Variants in ATP7B observed in about 807,000 individuals in gnomAD.
The protein encoded by ATP7B is copper-transporting ATPase 2.
Under a neutral mutation model 118.9 loss-of-function variants are expected in ATP7B, and 113 were observed. That is an observed-to-expected ratio of 0.95 (90% confidence interval 0.82 to 1.11). The LOEUF is 1.11. Ranked by LOEUF, ATP7B falls within the 50% of genes most tolerant of loss-of-function variation. ATP7B has a pLI of 0.00. For synonymous variants in ATP7B, 777 were observed against 727.4 expected, an observed-to-expected ratio of 1.07 and a Z score of -1.10; for missense variants, 1,867 against 1,871.4, an observed-to-expected ratio of 1.00 and a Z score of 0.04.
chr13:51,958,175 T>C (rs1958477652), intron 8 of ATP7B, 136 bp downstream of exon 8: 1 of 1,020,346 alleles, frequency 9.8e-7, no homozygotes, highest in Non-Finnish European at 1.5e-6. Context: ...AGCACCTTAA[T>C]TATATGGAGG....
chr13:51,975,388 CCTT>C (rs1204741624), intron 1 of ATP7B: 1 of 735,714 alleles, frequency 1.4e-6, no homozygotes, highest in Admixed American at 1.7e-5. Context: ...TGTCTGTCCT[CCTT>C]AGTGAAATGT....
Position 51,960,139 on chromosome 13 carries a change from C to T in ATP7B, c.2121+9G>A. On this transcript the variant is annotated intron_variant, in intron 7 of 20. Coordinates refer to ENST00000242839, the MANE Select transcript of ATP7B (RefSeq NM_000053.4). ...GAAGGGAGAGGTCTGCCCACTTTCT[C>T]ATATATACCTGGACAAAGGTACACA... The T allele has an allele frequency of 6.2e-7, 1 of 1,613,056 alleles. No homozygotes were observed. Among genetic ancestry groups the T allele is most frequent in the East Asian group, 2.2e-5 (1 of 44,884 alleles).
intron 1 of ATP7B, among the ~76,000 whole-genome samples, chr13:51,983,598 C>G (rs904151015): frequency 3.3e-5 from 5 of 152,130 alleles, no homozygotes; most frequent in African/African-American, 1.2e-4. Flanking sequence ...GGGTCCGTGA[C>G]CCCTGTGTCT....
At chr13:51,948,733 T>C (rs976836745) in intron 12 of ATP7B, among the ~76,000 whole-genome samples, 1 of 152,164 alleles carries the variant, frequency 6.6e-6, no homozygotes, top group Admixed American at 6.5e-5. Context: ...CAGATATGTT[T>C]TTTTGAGGGG....
chr13:51,943,581 A>G (rs1957470542), intron 14 of ATP7B, among the ~76,000 whole-genome samples: 1 of 152,212 alleles, frequency 6.6e-6, no homozygotes, highest in Non-Finnish European at 1.5e-5. Flanking sequence ...TGAAATTAAG[A>G]GAAAACAAAA....
In ATP7B at chr13:52,011,376, C is replaced by A. The variant is rs1012892831; in HGVS notation, c.-39G>T. The A allele has an allele frequency of 2.5e-6, 4 of 1,613,974 alleles. No homozygotes were observed. The African/African-American group carries it at 4.0e-5, about 16-fold the overall frequency. ...CACCGAATTCTTCTCTGATCTGGCTCAGAGCAAAAGGTCACCTGGTCGGTG... is the reference window on the plus strand; with the variant it reads ...CACCGAATTCTTCTCTGATCTGGCTAAGAGCAAAAGGTCACCTGGTCGGTG... On this transcript the variant is annotated 5_prime_UTR_variant, in exon 1 of 21. Transcript: ENST00000242839.
At chr13:51,940,381 C>T (rs1033122451) in intron 16 of ATP7B, among the ~76,000 whole-genome samples, 6 of 142,112 alleles carry the variant, frequency 4.2e-5, no homozygotes, top group Admixed American at 1.4e-4. Context: ...AGGGCAGGTG[C>T]GGTGGCTCAC....
chr13:51,942,633 G>A (rs1373694982), intron 14 of ATP7B, 79 bp from the exon 15 acceptor site: 29 of 1,562,360 alleles, frequency 1.9e-5, no homozygotes, highest in Non-Finnish European at 2.4e-5. Context: ...GCAGGACAGG[G>A]ACACAGGGTG....
intron 6 of ATP7B, 21 bp downstream of exon 6, chr13:51,961,816 T>G (rs866978039): frequency 6.2e-7 from 1 of 1,608,070 alleles, no homozygotes; most frequent in Middle Eastern, 1.7e-4. Flanking sequence ...AGCTGGAGTT[T>G]ATCTTTTGTG....
chr13:51,943,419 G>A (rs948538953), intron 14 of ATP7B, among the ~76,000 whole-genome samples: 1 of 152,198 alleles, frequency 6.6e-6, no homozygotes, highest in Non-Finnish European at 1.5e-5. Flanking sequence ...TGAGGTTTCT[G>A]GAAGAGCCCC....
rs773327394 is a variant in ATP7B at position 51,946,311 on chromosome 13, T to A, written c.3033A>T (p.Gly1011=). 1.3e-6 allele frequency: 2 copies of A among 1,599,540 alleles called. No individual in the cohort carries two copies. The highest frequency in any genetic ancestry group is 1.7e-6 in the Non-Finnish European group (2 of 1,173,474). Residue 1011 remains glycine (G), a synonymous_variant, in exon 13 of 21, where the codon GGA becomes GGT. Coordinates refer to ENST00000242839, the MANE Select transcript of ATP7B (RefSeq NM_000053.4). The part of the protein sequence containing the change: ...VAAQNGILIK[G]GKPLEMAHKI... The stretch of plus-strand genomic sequence containing the variant: ...TGTGCGCCATCTCCAGGGGCTTGCC[T>A]CCCTTGATGAGGATGCCGTTCTGCG...
At chr13:51,958,234 C>G (rs1958481103) in intron 8 of ATP7B, 77 bp downstream of exon 8, 4 of 1,478,688 alleles carry the variant, frequency 2.7e-6, no homozygotes, top group African/African-American at 2.8e-5. Context: ...ATTAGTAATT[C>G]TAAACATGGT....
At chr13:51,970,063 G>C (rs1028803933) in intron 3 of ATP7B, among the ~76,000 whole-genome samples, 1 of 152,276 alleles carries the variant, frequency 6.6e-6, no homozygotes, top group African/African-American at 2.4e-5. Context: ...TTTCTGTCCT[G>C]TTGTTCCTAC....
intron 3 of ATP7B, among the ~76,000 whole-genome samples, chr13:51,969,881 G>C (rs909190353): frequency 1.3e-5 from 2 of 152,210 alleles, no homozygotes; most frequent in Non-Finnish European, 2.9e-5. Flanking sequence ...GGGAGTTCAA[G>C]TAAAAAGACA....
chr13:51,966,217 A>C (rs1951539761), intron 4 of ATP7B, among the ~76,000 whole-genome samples: 1 of 152,248 alleles, frequency 6.6e-6, no homozygotes, highest in Non-Finnish European at 1.5e-5. Context: ...CAAACCTAAG[A>C]GGTAAGTCTC....
intron 12 of ATP7B, 116 bp from the exon 13 acceptor site, chr13:51,946,594 TC>T (rs1957679133): frequency 8.4e-7 from 1 of 1,187,084 alleles, no homozygotes; most frequent in Admixed American, 2.0e-5. Flanking sequence ...GAACTTGGGT[TC>T]CGGAAACAGA....
chr13:51,965,020 G>A lies in ATP7B; in HGVS notation c.1721C>T (p.Thr574Ile), dbSNP rs1453697187. 2 of 1,613,930 alleles carry A rather than the reference G, an allele frequency of 1.2e-6. No individual in the cohort carries two copies. Among genetic ancestry groups the A allele is most frequent in the African/African-American group, 1.3e-5 (1 of 74,890 alleles). The change falls in exon 5 of 21, where the codon ACC becomes ATC. Residue 574 changes from threonine (T) to isoleucine (I), a missense_variant. Transcript: ENST00000242839. Reference protein sequence around the residue: ...GNIELTITGMTCASCVHNIES... With the variant: ...GNIELTITGMICASCVHNIES... Reference sequence around the variant, plus strand: ...TATGTTGTGGACACAGGACGCGCAGGTCATCCCTGTGATCTGCAACACAGG... The same window carrying A: ...TATGTTGTGGACACAGGACGCGCAGATCATCCCTGTGATCTGCAACACAGG...
chr13:51,967,997 C>T (rs1951649584), intron 4 of ATP7B, among the ~76,000 whole-genome samples: 1 of 152,172 alleles, frequency 6.6e-6, no homozygotes, highest in Non-Finnish European at 1.5e-5. Context: ...CACCCATGCA[C>T]CTATCACAAG....
chr13:51,984,429 A>G (rs143316657), intron 1 of ATP7B, among the ~76,000 whole-genome samples: 3 of 152,320 alleles, frequency 2.0e-5, no homozygotes, highest in East Asian at 1.9e-4. Context: ...AAGACCAAAC[A>G]TAAGTTTGAC....
Sources: gnomAD v4.1 joint callset for allele counts (sites outside exome capture counted in the v4.1 genomes callset) on GRCh38, gnomAD v4.1.1 for gene constraint, MANE v1.5 for transcripts, NCBI Gene and HGNC (gene_info 2026-07-23, HGNC 2026-07-21) for gene names.